The following PPFIA2 variants were observed in gnomAD, a reference collection of about 807,000 sequenced individuals.
The protein encoded by PPFIA2 is liprin-alpha-2.
PPFIA2 carries 46 observed loss-of-function variants against 175.5 expected under a neutral mutation model. That is an observed-to-expected ratio of 0.26 (90% confidence interval 0.21 to 0.34). The LOEUF (loss-of-function observed/expected upper bound fraction) is 0.34. Among genes scored for constraint, PPFIA2 ranks in the 10% least tolerant of loss-of-function variants. The pLI is 1.00. For missense variants in PPFIA2, 1,179 were observed against 1,506.1 expected (o/e 0.78, Z 3.60); for synonymous variants, 568 against 511.4 (o/e 1.11, Z -1.49).
At chr12:81,577,555 CT>C (rs1049587653) in intron 4 of PPFIA2, among the ~76,000 whole-genome samples, 1 of 151,760 alleles carries the variant, frequency 6.6e-6, no homozygotes, top group Non-Finnish European at 1.5e-5. Flanking sequence ...ATAATGTAAA[CT>C]TTTTAGAAAA....
chr12:81,300,232 T>C lies in PPFIA2; in HGVS notation c.2643-850A>G, dbSNP rs928037701. Among the ~76,000 whole-genome samples, 11 of 152,296 alleles carry C rather than the reference T, an allele frequency of 7.2e-5. No homozygotes were observed. In the South Asian group the frequency reaches 2.3e-3, roughly 32 times the overall value. Reference sequence around the variant, plus strand: ...GTGCTTTCACTGAAATTCAAATTGATATATACTTGGCCAGGAATATATTGG... The same window carrying C: ...GTGCTTTCACTGAAATTCAAATTGACATATACTTGGCCAGGAATATATTGG... On this transcript the variant is annotated intron_variant, in intron 22 of 32. Transcript: ENST00000549396.
At chr12:81,584,804 ATT>A (rs2074947807) in intron 4 of PPFIA2, among the ~76,000 whole-genome samples, 1 of 132,492 alleles carries the variant, frequency 7.5e-6, no homozygotes, top group Non-Finnish European at 1.5e-5. Flanking sequence ...TAATATATAT[ATT>A]TATTATATAC....
chr12:81,358,242 T>C, intron 15 of PPFIA2, 25 bp from the exon 16 acceptor site: 1 of 1,545,858 alleles, frequency 6.5e-7, no homozygotes, highest in Non-Finnish European at 8.7e-7. Context: ...AAATATAAAA[T>C]AATCCAATCT....
chr12:81,537,970 G>A (rs555523359), intron 4 of PPFIA2, among the ~76,000 whole-genome samples: 4 of 151,900 alleles, frequency 2.6e-5, no homozygotes, highest in East Asian at 1.9e-4. Context: ...TCTCTCAAAC[G>A]TAGACTCACA....
At chr12:81,706,629 C>A (rs2077178601) in intron 3 of PPFIA2, among the ~76,000 whole-genome samples, 1 of 152,112 alleles carries the variant, frequency 6.6e-6, no homozygotes, top group Non-Finnish European at 1.5e-5. Flanking sequence ...TGTGAGGTGT[C>A]AGTCTGCCCC....
intron 3 of PPFIA2, among the ~76,000 whole-genome samples, chr12:81,718,551 C>T (rs1304701253): frequency 6.6e-6 from 1 of 151,648 alleles, no homozygotes; most frequent in Non-Finnish European, 1.5e-5. Context: ...GTGCATTATA[C>T]TTGTAGAACC....
intron 21 of PPFIA2, among the ~76,000 whole-genome samples, chr12:81,333,717 G>A (rs1216727905): frequency 6.6e-6 from 1 of 151,762 alleles, no homozygotes; most frequent in African/African-American, 2.4e-5. Flanking sequence ...TATTTTTGGT[G>A]GGGGGGATAG....
At chr12:81,333,635 T>C (rs1033619088) in intron 21 of PPFIA2, among the ~76,000 whole-genome samples, 1 of 152,182 alleles carries the variant, frequency 6.6e-6, no homozygotes, top group Non-Finnish European at 1.5e-5. Flanking sequence ...ATTTTTTTTC[T>C]TTAAAAACTT....
intron 4 of PPFIA2, among the ~76,000 whole-genome samples, chr12:81,508,017 T>C (rs1441155643): frequency 2.6e-5 from 4 of 152,204 alleles, no homozygotes; most frequent in Admixed American, 1.3e-4. Flanking sequence ...TATCTACTCC[T>C]ACTTCTGACA....
chr12:81,431,125 T>C (rs1452226179), intron 7 of PPFIA2: 1 of 152,244 alleles, frequency 6.6e-6, no homozygotes, highest in Non-Finnish European at 1.5e-5. Flanking sequence ...TATAATGTAA[T>C]CATGTGGAAA....
At chr12:81,463,500 T>C (rs1184391766) in intron 4 of PPFIA2, among the ~76,000 whole-genome samples, 1 of 152,152 alleles carries the variant, frequency 6.6e-6, no homozygotes, top group Non-Finnish European at 1.5e-5. Flanking sequence ...TTCCCCACTC[T>C]ATATTTTGTC....
intron 4 of PPFIA2, among the ~76,000 whole-genome samples, chr12:81,650,258 C>A (rs1044216514): frequency 1.3e-5 from 2 of 152,032 alleles, no homozygotes; most frequent in Non-Finnish European, 2.9e-5. Flanking sequence ...ATCTGCCCAC[C>A]TCGGCCTCCC....
chr12:81,599,975 C>A (rs193188885), intron 4 of PPFIA2, among the ~76,000 whole-genome samples: 30 of 151,984 alleles, frequency 2.0e-4, no homozygotes, highest in Admixed American at 1.4e-3. Context: ...TACATGACAT[C>A]CAGATAACAT....
At chr12:81,544,750 A>G (rs1166822161) in intron 4 of PPFIA2, among the ~76,000 whole-genome samples, 1 of 152,130 alleles carries the variant, frequency 6.6e-6, no homozygotes, top group Admixed American at 6.5e-5. Flanking sequence ...TTCCATCAGC[A>G]CACAATTATT....
At chr12:81,660,663 C>T (rs2068662030) in intron 4 of PPFIA2, among the ~76,000 whole-genome samples, 1 of 152,116 alleles carries the variant, frequency 6.6e-6, no homozygotes, top group Non-Finnish European at 1.5e-5. Flanking sequence ...TCTAGCAAGG[C>T]AGGCCAACAT....
chr12:81,273,078 T>C (rs923835305), intron 28 of PPFIA2, among the ~76,000 whole-genome samples: 8 of 152,160 alleles, frequency 5.3e-5, no homozygotes, highest in Non-Finnish European at 8.8e-5. Flanking sequence ...TTATGACCTT[T>C]GATTTTTTTT....
At chr12:81,535,841 T>C (rs548271319) in intron 4 of PPFIA2, among the ~76,000 whole-genome samples, 13 of 151,958 alleles carry the variant, frequency 8.6e-5, no homozygotes, top group African/African-American at 2.9e-4. Flanking sequence ...GTTATAACTA[T>C]AACTTGGCAA....
chr12:81,492,010 T>A (rs2059469658), intron 4 of PPFIA2, among the ~76,000 whole-genome samples: 1 of 152,068 alleles, frequency 6.6e-6, no homozygotes, highest in African/African-American at 2.4e-5. Flanking sequence ...TTGTAGTACT[T>A]CATTGAATAC....
At position 81,445,539 on chromosome 12, in the gene PPFIA2, CT is replaced by C. The variant is rs775881413; in HGVS notation, c.570+16del. 1 of 1,607,324 alleles carries C rather than the reference CT, an allele frequency of 6.2e-7. No individual in the cohort carries two copies. The highest frequency in any genetic ancestry group is 1.1e-5 in the South Asian group (1 of 89,872). ...ACAGAAGTGTAGTTAAGCTTGAACT[CT>C]TTTTCCATACTATACCTTTTCATCC... On this transcript the variant is annotated intron_variant, in intron 6 of 32. Coordinates refer to ENST00000549396, the MANE Select transcript of PPFIA2 (RefSeq NM_003625.5).
Sources: gnomAD v4.1 joint callset for allele counts (sites outside exome capture counted in the v4.1 genomes callset) on GRCh38, gnomAD v4.1.1 for gene constraint, MANE v1.5 for transcripts, NCBI Gene and HGNC (gene_info 2026-07-23, HGNC 2026-07-21) for gene names.